Variants in SOX5 observed in about 807,000 individuals in gnomAD.
The protein encoded by SOX5 is transcription factor SOX-5.
In SOX5, 9 loss-of-function variants were observed where a neutral mutation model predicts 92.0. The observed-to-expected ratio is 0.10, with a 90% CI of 0.06 to 0.17. The LOEUF (loss-of-function observed/expected upper bound fraction) is 0.17, where lower values mean the gene tolerates loss of function less well. SOX5 is among the 10% of genes least tolerant of loss of function. The pLI, the probability that SOX5 is intolerant of heterozygous loss-of-function variation, is 1.00. For synonymous variants in SOX5, 344 were observed against 336.3 expected (o/e 1.02, Z -0.25); for missense variants, 642 against 944.5 (o/e 0.68, Z 4.20).
chr12:24,395,152 C>T (rs939164822), intron 1 of SOX5, among the ~76,000 whole-genome samples: 1 of 152,044 alleles, frequency 6.6e-6, no homozygotes, highest in African/African-American at 2.4e-5. Context: ...TGAATAAGAA[C>T]TTTACCTAAA....
intron 7 of SOX5, among the ~76,000 whole-genome samples, chr12:23,641,817 A>G (rs1204422155): frequency 3.3e-5 from 5 of 152,248 alleles, no homozygotes; most frequent in Admixed American, 6.5e-5. Flanking sequence ...TTTGTAATGC[A>G]TAAAACATTT....
At chr12:23,864,740 A>G (rs1381678772) in intron 2 of SOX5, among the ~76,000 whole-genome samples, 1 of 152,218 alleles carries the variant, frequency 6.6e-6, no homozygotes, top group Admixed American at 6.5e-5. Context: ...TTGGCTCATG[A>G]GATTTAAGGA....
intron 4 of SOX5, among the ~76,000 whole-genome samples, chr12:24,047,687 T>C (rs1182717729): frequency 2.6e-5 from 4 of 152,226 alleles, no homozygotes. Flanking sequence ...ACCTCGGCTT[T>C]ACACATTCTC....
chr12:24,152,695 C>T (rs1390818636), intron 4 of SOX5, among the ~76,000 whole-genome samples: 1 of 151,896 alleles, frequency 6.6e-6, no homozygotes, highest in Non-Finnish European at 1.5e-5. Flanking sequence ...AAAAAATCAT[C>T]TTAAATTTGA....
intron 7 of SOX5, among the ~76,000 whole-genome samples, chr12:23,657,704 A>C (rs529285884): frequency 3.0e-4 from 45 of 152,332 alleles, no homozygotes; most frequent in Middle Eastern, 3.4e-3. Context: ...AAAACTTAGA[A>C]GTCTAAGGGT....
chr12:23,945,217 A>C (rs1434533153), intron 1 of SOX5, among the ~76,000 whole-genome samples: 1 of 152,182 alleles, frequency 6.6e-6, no homozygotes, highest in Non-Finnish European at 1.5e-5. Context: ...AATGTGCTAA[A>C]GAATCAGAAC....
chr12:23,903,996 TA>T (rs1595521818), intron 1 of SOX5, among the ~76,000 whole-genome samples: 1 of 152,320 alleles, frequency 6.6e-6, no homozygotes. Context: ...ATCACTTTAA[TA>T]AAAAATATCA....
At chr12:24,257,073 T>G (rs536193195) in intron 3 of SOX5, among the ~76,000 whole-genome samples, 1 of 152,338 alleles carries the variant, frequency 6.6e-6, no homozygotes, top group East Asian at 1.9e-4. Context: ...TTCACAGGTT[T>G]GGGTGGCCTG....
At chr12:23,537,957 T>A (rs77473646) in intron 13 of SOX5, among the ~76,000 whole-genome samples, 2 of 144,296 alleles carry the variant, frequency 1.4e-5, no homozygotes, top group African/African-American at 2.5e-5. Context: ...TTTTTTTTTT[T>A]AATAGTGATT....
chr12:24,361,197 A>T (rs1955515515), intron 2 of SOX5, among the ~76,000 whole-genome samples: 1 of 152,216 alleles, frequency 6.6e-6, no homozygotes. Flanking sequence ...AGAGGAAATT[A>T]CATGACCATT....
At chr12:23,591,355 TA>T (rs1288817501) in intron 9 of SOX5, among the ~76,000 whole-genome samples, 1 of 152,102 alleles carries the variant, frequency 6.6e-6, no homozygotes, top group African/African-American at 2.4e-5. Flanking sequence ...AAGAGCCTAT[TA>T]GGGGCCAGCT....
rs534257754 is a variant in SOX5 at position 23,745,146 on chromosome 12, C to A, written c.569-4107G>T. Among the ~76,000 whole-genome samples, 17 of 152,152 alleles carry A rather than the reference C, an allele frequency of 1.1e-4. No individual in the cohort carries two copies. The South Asian group carries it at 3.3e-3, about 30-fold the overall frequency. ...TAGGGTTGGTGGGTAGGGGAAAGTG[C>A]GTAGTTCAACCCATAAGAATGCCTT... On this transcript the variant is annotated intron_variant, in intron 4 of 14. Coordinates refer to ENST00000451604, the MANE Select transcript of SOX5 (RefSeq NM_006940.6).
At chr12:24,480,503 AC>A (rs1945865751) in intron 1 of SOX5, among the ~76,000 whole-genome samples, 1 of 152,168 alleles carries the variant, frequency 6.6e-6, no homozygotes, top group South Asian at 2.1e-4. Flanking sequence ...TTTGTAAACT[AC>A]CCACCTGACA....
intron 1 of SOX5, among the ~76,000 whole-genome samples, chr12:24,403,360 G>T (rs1022614270): frequency 6.6e-6 from 1 of 152,112 alleles, no homozygotes; most frequent in African/African-American, 2.4e-5. Flanking sequence ...CCTTAAGGAC[G>T]GAAACCTTGT....
chr12:24,520,722 C>T (rs151094018), intron 1 of SOX5, among the ~76,000 whole-genome samples: 183 of 152,140 alleles, frequency 1.2e-3, no homozygotes, highest in African/African-American at 4.4e-3. Flanking sequence ...GAAAAAAAAT[C>T]CAGTGATATA....
chr12:24,126,239 A>C (rs16927204), intron 4 of SOX5, among the ~76,000 whole-genome samples: 19,866 of 152,104 alleles, frequency 0.13, 1,488 homozygotes, highest in Admixed American at 0.19. Context: ...TTCCAAATCT[A>C]TATTTCTCCC....
At chr12:24,055,646 A>T (rs1258186663) in intron 4 of SOX5, among the ~76,000 whole-genome samples, 1 of 152,264 alleles carries the variant, frequency 6.6e-6, no homozygotes, top group African/African-American at 2.4e-5. Flanking sequence ...AAATGAAAAG[A>T]CATAAGATTC....
At chr12:24,184,239 C>T (rs997729479) in intron 4 of SOX5, among the ~76,000 whole-genome samples, 1 of 152,040 alleles carries the variant, frequency 6.6e-6, no homozygotes, top group East Asian at 1.9e-4. Context: ...TTAATTCTAC[C>T]TTATTTGATA....
intron 2 of SOX5, among the ~76,000 whole-genome samples, chr12:24,352,625 G>A (rs896678158): frequency 1.3e-5 from 2 of 152,136 alleles, no homozygotes; most frequent in African/African-American, 4.8e-5. Flanking sequence ...TTTTTATCTA[G>A]TCAAATATTA....
Sources: allele counts gnomAD v4.1 joint callset (sites outside exome capture counted in the v4.1 genomes callset), GRCh38; gene constraint gnomAD v4.1.1; transcripts MANE v1.5; gene names NCBI Gene and HGNC (gene_info 2026-07-23, HGNC 2026-07-21).